Variants in LRFN5 observed in about 807,000 individuals in gnomAD.
LRFN5 encodes leucine rich repeat and fibronectin type III domain containing 5, also known as leucine-rich repeat and fibronectin type-III domain-containing protein 5.
A neutral mutation model predicts 45.6 loss-of-function variants in LRFN5; 24 were observed. The ratio of observed to expected loss-of-function variants is 0.53; its 90% confidence interval spans 0.38 to 0.74. The LOEUF is 0.74. Ranked by LOEUF, LRFN5 falls within the 30% of genes least tolerant of loss-of-function variation. The pLI is 0.00. For synonymous variants in LRFN5, 340 were observed against 313.8 expected (o/e 1.08, Z -0.88); for missense variants, 776 against 861.5 (o/e 0.90, Z 1.24).
intron 2 of LRFN5, among the ~76,000 whole-genome samples, chr14:41,841,643 G>T (rs532902225): frequency 6.6e-6 from 1 of 151,544 alleles, no homozygotes; most frequent in East Asian, 1.9e-4. Flanking sequence ...TTTTTTTCCA[G>T]TTTTGGGCTA....
chr14:41,871,540 G>C (rs1156851396), intron 2 of LRFN5, among the ~76,000 whole-genome samples: 1 of 151,606 alleles, frequency 6.6e-6, no homozygotes, highest in Admixed American at 6.6e-5. Flanking sequence ...AGTGAGCTGA[G>C]ATTTCACCAT....
chr14:41,730,607 C>G (rs1029315413), intron 1 of LRFN5, among the ~76,000 whole-genome samples: 1 of 151,770 alleles, frequency 6.6e-6, no homozygotes, highest in East Asian at 1.9e-4. Context: ...CAGTTTTGTA[C>G]GTTAACACAT....
intron 1 of LRFN5, among the ~76,000 whole-genome samples, chr14:41,648,031 C>T (rs1594579763): frequency 6.6e-6 from 1 of 152,266 alleles, no homozygotes; most frequent in Admixed American, 6.5e-5. Flanking sequence ...AACATATCTA[C>T]ATCTATATCT....
intron 3 of LRFN5, among the ~76,000 whole-genome samples, chr14:41,890,067 T>C (rs568699581): frequency 1.0e-3 from 156 of 152,220 alleles, no homozygotes; most frequent in African/African-American, 3.7e-3. Context: ...TTTCACCGTA[T>C]CGGTCAGGCT....
At chr14:41,696,009 A>G (rs1882594759) in intron 1 of LRFN5, among the ~76,000 whole-genome samples, 1 of 151,954 alleles carries the variant, frequency 6.6e-6, no homozygotes, top group African/African-American at 2.4e-5. Flanking sequence ...AAGAACATTA[A>G]TGATTCACTG....
chr14:41,902,498 A>G (rs1433553630), intron 5 of LRFN5, among the ~76,000 whole-genome samples: 2 of 151,894 alleles, frequency 1.3e-5, no homozygotes, highest in African/African-American at 4.8e-5. Context: ...TAATATTGCT[A>G]CATCTTCAGA....
chr14:41,608,391 G>A lies in LRFN5; in HGVS notation c.-368G>A, dbSNP rs904158011. Reference sequence around the variant, plus strand: ...CCTGCGGGCAGCGGCGGCAGTGGCAGGAGCCGCCTTTCCGATTCCCTACGA... The same window carrying A: ...CCTGCGGGCAGCGGCGGCAGTGGCAAGAGCCGCCTTTCCGATTCCCTACGA... On this transcript the variant is annotated 5_prime_UTR_variant, in exon 1 of 6. Transcript: ENST00000298119. The A allele has an allele frequency of 2.0e-5, 3 of 152,696 alleles. No homozygotes were observed. Among genetic ancestry groups the A allele is most frequent in the African/African-American group, 7.2e-5 (3 of 41,444 alleles). 9.5% of individuals were successfully genotyped at this position (152,696 alleles called of 1,614,324 possible).
At chr14:41,856,672 A>ATTTTTTTTTTTTTT (rs1889465921) in intron 2 of LRFN5, among the ~76,000 whole-genome samples, 32 of 5,954 alleles carry the variant, frequency 5.4e-3, no homozygotes, top group Non-Finnish European at 0.013. Flanking sequence ...TATTATTATT[A>ATTTTTTTTTTTTTT]TTATTTTTTT....
rs1885907147 is a variant in LRFN5 at position 41,766,961 on chromosome 14, C to T, written c.-89C>T. 1 of 152,700 alleles carries T rather than the reference C, an allele frequency of 6.5e-6. No individual in the cohort carries two copies. Among genetic ancestry groups the T allele is most frequent in the African/African-American group, 2.4e-5 (1 of 41,548 alleles). The allele number at this position is 152,700 out of a possible 1,614,324, so 9.5% of individuals were successfully genotyped here. ...GCTTTGGAGATGCTTTCACTCTGTCCGTCTTCTGCAGCAGCCAGGCAGAGT... is the reference window on the plus strand; with the variant it reads ...GCTTTGGAGATGCTTTCACTCTGTCTGTCTTCTGCAGCAGCCAGGCAGAGT... On this transcript the variant is annotated 5_prime_UTR_variant, in exon 2 of 6. Transcript: ENST00000298119.
At chr14:41,749,878 C>G (rs1468915579) in intron 1 of LRFN5, among the ~76,000 whole-genome samples, 1 of 152,086 alleles carries the variant, frequency 6.6e-6, no homozygotes, top group Non-Finnish European at 1.5e-5. Flanking sequence ...TTCATTATCA[C>G]TAAATCAATG....
At chr14:41,804,957 A>G (rs1334247580) in intron 2 of LRFN5, among the ~76,000 whole-genome samples, 1 of 152,064 alleles carries the variant, frequency 6.6e-6, no homozygotes, top group Non-Finnish European at 1.5e-5. Flanking sequence ...AATTATTGTT[A>G]TATTAGCTAT....
chr14:41,830,102 TATTTTAACTTGTATTATAAATCTTATAA>T (rs1384798917), intron 2 of LRFN5, among the ~76,000 whole-genome samples: 1 of 151,568 alleles, frequency 6.6e-6, no homozygotes, highest in East Asian at 1.9e-4. Flanking sequence ...ATCATACAAT[TATTTTAACTTGTATTATAAATCTTATAA>T]ATTTTAACTT....
chr14:41,778,020 G>T (rs566671598), intron 2 of LRFN5, among the ~76,000 whole-genome samples: 4 of 134,494 alleles, frequency 3.0e-5, no homozygotes, highest in East Asian at 2.6e-4. Flanking sequence ...GTGGGGGGGG[G>T]GGATTGAGAG....
chr14:41,869,986 C>T (rs1889964674), intron 2 of LRFN5, among the ~76,000 whole-genome samples: 3 of 152,122 alleles, frequency 2.0e-5, no homozygotes. Context: ...TATTAGTTTA[C>T]TATGGCTGTG....
At chr14:41,874,184 A>G (rs368597857) in intron 2 of LRFN5, among the ~76,000 whole-genome samples, 1 of 152,172 alleles carries the variant, frequency 6.6e-6, no homozygotes. Flanking sequence ...GCAATGTTCA[A>G]TGTGTGAGTC....
At chr14:41,877,193 A>G (rs1037017922) in intron 2 of LRFN5, among the ~76,000 whole-genome samples, 18 of 152,322 alleles carry the variant, frequency 1.2e-4, no homozygotes, top group East Asian at 7.7e-4. Flanking sequence ...ATTCAGTTTT[A>G]TCATATACAA....
At chr14:41,873,464 C>T (rs545558524) in intron 2 of LRFN5, among the ~76,000 whole-genome samples, 4 of 150,472 alleles carry the variant, frequency 2.7e-5, no homozygotes, top group Middle Eastern at 3.2e-3. Context: ...AGAGACATTG[C>T]GTTCAGTGAT....
At chr14:41,732,941 AAG>A (rs755516121) in intron 1 of LRFN5, among the ~76,000 whole-genome samples, 85 of 81,490 alleles carry the variant, frequency 1.0e-3, no homozygotes, top group Non-Finnish European at 2.2e-3. Context: ...CAGAAAAGAA[AAG>A]AAAAAAATTC....
chr14:41,705,294 A>C (rs985950588), intron 1 of LRFN5, among the ~76,000 whole-genome samples: 1 of 152,190 alleles, frequency 6.6e-6, no homozygotes, highest in South Asian at 2.1e-4. Context: ...CATAAATACT[A>C]ATGTCACCAC....
Sources: allele counts gnomAD v4.1 joint callset (sites outside exome capture counted in the v4.1 genomes callset), GRCh38; gene constraint gnomAD v4.1.1; transcripts MANE v1.5; gene names NCBI Gene and HGNC (gene_info 2026-07-23, HGNC 2026-07-21).